Variants in HSF2 observed in about 807,000 individuals in gnomAD.
The protein encoded by HSF2 is heat shock transcription factor 2, also known as heat shock factor protein 2.
A neutral mutation model predicts 65.0 loss-of-function variants in HSF2; 21 were observed. The observed-to-expected ratio is 0.32, with a 90% CI of 0.23 to 0.47. The LOEUF is 0.47. HSF2 is among the 20% of genes least tolerant of loss of function. The pLI is 1.00. For synonymous variants in HSF2, 225 were observed against 219.1 expected, an observed-to-expected ratio of 1.03 and a Z score of -0.24; for missense variants, 499 against 628.1, an observed-to-expected ratio of 0.79 and a Z score of 2.20.
At chr6:122,401,660 C>G (rs370689576) in intron 1 of HSF2, among the ~76,000 whole-genome samples, 20 of 152,284 alleles carry the variant, frequency 1.3e-4, no homozygotes, top group African/African-American at 4.1e-4. Context: ...TATGTGTTAA[C>G]CAATTTTCTA....
Position 122,432,342 on chromosome 6 carries a change from TAAAAGC to T in HSF2, c.*124_*129del. 1.3e-6 allele frequency: 1 copy of T among 788,308 alleles called. No homozygotes were observed. The highest frequency in any genetic ancestry group is 2.0e-6 in the Non-Finnish European group (1 of 499,306). The allele number at this position is 788,308 out of a possible 1,614,324, so 48.8% of individuals were successfully genotyped here. A position where few individuals can be genotyped will look rare whatever the true frequency, so the allele number is the denominator to read the frequency against. On this transcript the variant is annotated 3_prime_UTR_variant, in exon 13 of 13. Coordinates refer to ENST00000368455, the MANE Select transcript of HSF2 (RefSeq NM_004506.4). ...TTTTGTTTAATCAGATACTGTGGAA[TAAAAGC>T]ACCTTTTGCTTTTCTCACTAACCAC... is the stretch of plus-strand genomic sequence containing the variant.
intron 6 of HSF2, 140 bp downstream of exon 6, chr6:122,419,369 A>AT (rs1774186229): frequency 1.9e-6 from 1 of 514,058 alleles, no homozygotes; most frequent in African/African-American, 2.0e-5. Context: ...TTATACTCTT[A>AT]AAATCTCTAG....
rs1386545419 is a variant in HSF2, at chr6:122,422,164, G to A, written c.696G>A (p.Arg232=). ...DNHHHKVPHS[R]TEGLKPRERI... is the part of the protein sequence containing the mutation. ...TGAATTTTTAGGTTCCACACAGTAG[G>A]ACTGAAGGTTTAAAGCCAAGGGAGA... Residue 232 remains arginine, a synonymous_variant, in exon 8 of 13, where the codon AGG becomes AGA. Transcript: ENST00000368455. 3 of 1,604,164 alleles carry A rather than the reference G, an allele frequency of 1.9e-6. No individual in the cohort carries two copies. In the East Asian group the frequency reaches 6.7e-5, roughly 36 times the overall value.
At chr6:122,415,661 A>G (rs780215598) in intron 4 of HSF2, among the ~76,000 whole-genome samples, 2 of 152,148 alleles carry the variant, frequency 1.3e-5, no homozygotes, top group African/African-American at 2.4e-5. Context: ...TGATGTAGGC[A>G]TATGTCTTAA....
intron 10 of HSF2, among the ~76,000 whole-genome samples, chr6:122,426,864 C>T (rs1774348997): frequency 6.6e-6 from 1 of 152,014 alleles, no homozygotes; most frequent in Admixed American, 6.6e-5. Flanking sequence ...GTGGCCTCTA[C>T]TTTTCGAACC....
At chr6:122,423,450 CTTAAGA>C in intron 9 of HSF2, 125 bp from the exon 10 acceptor site, 1 of 503,812 alleles carries the variant, frequency 2.0e-6, no homozygotes, top group Non-Finnish European at 3.5e-6. Context: ...AATAAGATCT[CTTAAGA>C]TTAAGAACCG....
intron 4 of HSF2, 125 bp from the exon 5 acceptor site, chr6:122,416,096 C>A: frequency 1.7e-6 from 1 of 579,378 alleles, no homozygotes; most frequent in Non-Finnish European, 3.0e-6. Flanking sequence ...TTTTCTTGGT[C>A]TCATAAATAC....
chr6:122,412,552 G>A (rs1389035959), intron 2 of HSF2, 71 bp downstream of exon 2: 2 of 1,549,616 alleles, frequency 1.3e-6, no homozygotes, highest in Non-Finnish European at 1.8e-6. Flanking sequence ...TTCCCATTAG[G>A]GTGGTAAAGG....
chr6:122,399,668 T>TGTCGTAGCTGCC lies in HSF2; in HGVS notation c.-69_-68insTCGTAGCTGCCG. On this transcript the variant is annotated 5_prime_UTR_variant, in exon 1 of 13. Transcript: ENST00000368455. ...GTTGTGGGCGTTCTCGGGGAGCTGC[T>TGTCGTAGCTGCC]GCCGTAGCTGCCGCCGCCGCTACCA... is the stretch of plus-strand genomic sequence containing the variant. 8.1e-7 allele frequency: 1 copy of TGTCGTAGCTGCC among 1,238,818 alleles called. No individual in the cohort carries two copies. The highest frequency in any genetic ancestry group is 1.2e-6 in the Non-Finnish European group (1 of 854,962). 76.7% of individuals were successfully genotyped at this position (1,238,818 alleles called of 1,614,324 possible).
At chr6:122,412,795 G>T (rs1190029099) in intron 3 of HSF2, 31 bp downstream of exon 3, 14 of 1,607,344 alleles carry the variant, frequency 8.7e-6, no homozygotes, top group Non-Finnish European at 1.2e-5. Flanking sequence ...GCTAATTAGG[G>T]TATTGACCTG....
chr6:122,415,491 A>G (rs1036988593), intron 4 of HSF2, among the ~76,000 whole-genome samples: 4 of 152,188 alleles, frequency 2.6e-5, no homozygotes, highest in Admixed American at 1.3e-4. Flanking sequence ...TGCTTAGAGT[A>G]TAGTAAGTGC....
chr6:122,422,576 A>G (rs1273063884), intron 8 of HSF2, 142 bp from the exon 9 acceptor site: 39 of 833,548 alleles, frequency 4.7e-5, no homozygotes, highest in Non-Finnish European at 7.5e-5. Flanking sequence ...AAGTACCAAT[A>G]TTGTGATTAA....
intron 11 of HSF2, among the ~76,000 whole-genome samples, chr6:122,430,101 C>A (rs527388461): frequency 6.6e-6 from 1 of 152,194 alleles, no homozygotes; most frequent in South Asian, 2.1e-4. Flanking sequence ...CCTCTTTGTA[C>A]CTCTGGTAGA....
Position 122,420,204 on chromosome 6 carries a change from T to C in HSF2, c.663T>C (p.Thr221=), listed in dbSNP as rs1774202857. Residue 221 remains threonine (T), a synonymous_variant, in exon 7 of 13, where the codon ACT becomes ACC. Transcript: ENST00000368455. ...TTCAGCACATAGTCAAAGAACCAAC[T>C]GATAATCATCATCATAAAGTAATTT... ...NLFQHIVKEP[T]DNHHHKVPHS... is the part of the protein sequence containing the mutation. 4 of 1,600,374 alleles carry C rather than the reference T, an allele frequency of 2.5e-6. No homozygotes were observed. The highest frequency in any genetic ancestry group is 3.4e-6 in the Non-Finnish European group (4 of 1,169,058).
intron 11 of HSF2, among the ~76,000 whole-genome samples, chr6:122,429,842 A>G (rs542926815): frequency 8.5e-5 from 13 of 152,330 alleles, no homozygotes; most frequent in African/African-American, 3.1e-4. Context: ...CCAGCCTTAC[A>G]TCCCAGGGAT....
chr6:122,412,933 TA>T (rs375000491), intron 3 of HSF2, among the ~76,000 whole-genome samples, 169 bp downstream of exon 3: 571 of 140,290 alleles, frequency 4.1e-3, no homozygotes, highest in Non-Finnish European at 4.3e-3. Flanking sequence ...TAAGTTAGCT[TA>T]AAAAAAAAAA....
intron 9 of HSF2, 141 bp downstream of exon 9, chr6:122,423,098 C>T: frequency 1.2e-6 from 1 of 837,860 alleles, no homozygotes; most frequent in Non-Finnish European, 1.9e-6. Context: ...GTGTTGAGTT[C>T]TGTAATGAAT....
intron 1 of HSF2, among the ~76,000 whole-genome samples, chr6:122,401,242 C>CACT (rs534573251): frequency 9.2e-5 from 14 of 152,246 alleles, no homozygotes; most frequent in African/African-American, 3.4e-4. Context: ...GAAAGCCAGC[C>CACT]ACTAGCATGT....
At chr6:122,425,723 C>CA (rs1254222015) in intron 10 of HSF2, among the ~76,000 whole-genome samples, 1 of 151,952 alleles carries the variant, frequency 6.6e-6, no homozygotes, top group African/African-American at 2.4e-5. Context: ...CTAATGCACC[C>CA]AATCTTTCAG....
Sources: allele counts gnomAD v4.1 joint callset (sites outside exome capture counted in the v4.1 genomes callset), GRCh38; gene constraint gnomAD v4.1.1; transcripts MANE v1.5; gene names NCBI Gene and HGNC (gene_info 2026-07-23, HGNC 2026-07-21).